Variants in NTRK3 observed in about 807,000 individuals in gnomAD.
The protein encoded by NTRK3 is neurotrophic receptor tyrosine kinase 3, also known as NT-3 growth factor receptor.
A neutral mutation model predicts 91.7 loss-of-function variants in NTRK3; 24 were observed. That is an observed-to-expected ratio of 0.26 (90% CI 0.19 to 0.37). NTRK3 has a LOEUF of 0.37. NTRK3 is among the 10% of genes least tolerant of loss of function. The pLI is 1.00. For missense variants in NTRK3, 880 were observed against 1,068.9 expected (o/e 0.82, Z 2.46); for synonymous variants, 483 against 404.0 (o/e 1.20, Z -2.34).
At chr15:88,012,132 T>C (rs2076923649) in intron 14 of NTRK3, among the ~76,000 whole-genome samples, 1 of 152,166 alleles carries the variant, frequency 6.6e-6, no homozygotes, top group South Asian at 2.1e-4. Context: ...GCATGCATTG[T>C]TCTTCACAGA....
intron 17 of NTRK3, among the ~76,000 whole-genome samples, chr15:87,886,480 G>A (rs8041505): frequency 0.059 from 8,885 of 150,744 alleles, 303 homozygotes; most frequent in South Asian, 0.1. Flanking sequence ...GATATATTAA[G>A]TGACAACACA....
chr15:88,221,524 G>C (rs2141583592), intron 3 of NTRK3, among the ~76,000 whole-genome samples: 1 of 152,334 alleles, frequency 6.6e-6, no homozygotes, highest in Non-Finnish European at 1.5e-5. Context: ...AGGTGCGGTG[G>C]CTCACGCCTG....
chr15:87,927,345 G>C (rs2068405569), intron 17 of NTRK3: 1 of 152,078 alleles, frequency 6.6e-6, no homozygotes, highest in African/African-American at 2.4e-5. Context: ...GAAGTATCTT[G>C]ACTGATCTGT....
At chr15:88,109,668 G>A (rs969496777) in intron 13 of NTRK3, among the ~76,000 whole-genome samples, 1 of 152,164 alleles carries the variant, frequency 6.6e-6, no homozygotes, top group Non-Finnish European at 1.5e-5. Flanking sequence ...AGCCCAGGCT[G>A]ACAGCCTTAG....
chr15:88,201,375 G>A (rs144068599), intron 3 of NTRK3, among the ~76,000 whole-genome samples: 1 of 152,324 alleles, frequency 6.6e-6, no homozygotes, highest in Non-Finnish European at 1.5e-5. Flanking sequence ...TCTCATGGGT[G>A]TTGTCCCTCG....
At chr15:88,112,921 C>T (rs1171354075) in intron 13 of NTRK3, among the ~76,000 whole-genome samples, 1 of 152,212 alleles carries the variant, frequency 6.6e-6, no homozygotes, top group Non-Finnish European at 1.5e-5. Context: ...AGGATCTGCA[C>T]CACCACCAAG....
chr15:87,954,206 C>T (rs1335993174), intron 14 of NTRK3, among the ~76,000 whole-genome samples: 1 of 152,196 alleles, frequency 6.6e-6, no homozygotes, highest in East Asian at 1.9e-4. Context: ...GAGGCCAGCC[C>T]TTGGGCTCTC....
chr15:88,254,242 C>A (rs546767090), intron 3 of NTRK3, among the ~76,000 whole-genome samples: 9 of 152,316 alleles, frequency 5.9e-5, no homozygotes, highest in African/African-American at 1.9e-4. Context: ...CAGCAATGCA[C>A]TTCCAAGTCT....
intron 14 of NTRK3, among the ~76,000 whole-genome samples, chr15:87,953,450 T>C (rs1282447648): frequency 6.6e-6 from 1 of 152,216 alleles, no homozygotes; most frequent in African/African-American, 2.4e-5. Flanking sequence ...GTTTCAATGA[T>C]GTCAATGTTA....
At chr15:88,045,035 G>A (rs914922438) in intron 13 of NTRK3, among the ~76,000 whole-genome samples, 3 of 152,160 alleles carry the variant, frequency 2.0e-5, no homozygotes, top group South Asian at 2.1e-4. Flanking sequence ...TGGACCAGGT[G>A]TTGGCACCTG....
chr15:88,242,203 T>C (rs929008642), intron 3 of NTRK3, among the ~76,000 whole-genome samples: 1 of 152,124 alleles, frequency 6.6e-6, no homozygotes, highest in African/African-American at 2.4e-5. Context: ...GCCCAAATCT[T>C]CATCTCACAC....
chr15:88,156,446 T>C (rs576913618), intron 5 of NTRK3, among the ~76,000 whole-genome samples: 43 of 152,108 alleles, frequency 2.8e-4, no homozygotes, highest in Non-Finnish European at 5.0e-4. Flanking sequence ...ATTCTCTCAC[T>C]ACCCACCTCC....
intron 13 of NTRK3, among the ~76,000 whole-genome samples, chr15:88,037,974 G>A (rs756913011): frequency 1.2e-4 from 18 of 152,180 alleles, no homozygotes; most frequent in Non-Finnish European, 2.9e-5. Flanking sequence ...GTCTGGCTCC[G>A]GAGCCTGTGC....
intron 13 of NTRK3, 131 bp from the exon 14 acceptor site, chr15:88,033,176 T>TCATACATATATATATATA: frequency 5.2e-6 from 1 of 192,386 alleles, no homozygotes; most frequent in East Asian, 1.0e-4. Flanking sequence ...GGGGGGTGTG[T>TCATACATATATATATATA]TATATATATA....
chr15:88,219,328 A>G (rs1457784219), intron 3 of NTRK3, among the ~76,000 whole-genome samples: 1 of 152,250 alleles, frequency 6.6e-6, no homozygotes, highest in Non-Finnish European at 1.5e-5. Flanking sequence ...GCTGTCTACT[A>G]GGAAACTGAC....
chr15:87,944,710 C>T (rs539804674), intron 14 of NTRK3, among the ~76,000 whole-genome samples: 7 of 152,330 alleles, frequency 4.6e-5, no homozygotes, highest in African/African-American at 1.4e-4. Context: ...TCCTGGAATT[C>T]TATGACAGCA....
intron 13 of NTRK3, among the ~76,000 whole-genome samples, chr15:88,087,976 A>G (rs780856953): frequency 2.0e-5 from 3 of 152,160 alleles, no homozygotes; most frequent in Non-Finnish European, 2.9e-5. Flanking sequence ...GCTTGAACCC[A>G]GGAGGTAGAG....
intron 17 of NTRK3, among the ~76,000 whole-genome samples, chr15:87,912,889 A>G (rs2141755326): frequency 6.9e-6 from 1 of 145,146 alleles, no homozygotes; most frequent in South Asian, 2.2e-4. Context: ...CTAGCGGCAA[A>G]CCCTGATCTT....
At chr15:87,935,279 G>A (rs1596313286) in intron 15 of NTRK3, among the ~76,000 whole-genome samples, 1 of 152,166 alleles carries the variant, frequency 6.6e-6, no homozygotes, top group Non-Finnish European at 1.5e-5. Flanking sequence ...AAGGTGCCAG[G>A]CTTGAGGATA....
Sources: allele counts gnomAD v4.1 joint callset (sites outside exome capture counted in the v4.1 genomes callset), GRCh38; gene constraint gnomAD v4.1.1; transcripts MANE v1.5; gene names NCBI Gene and HGNC (gene_info 2026-07-23, HGNC 2026-07-21).